The following CSMD1 variants were observed in gnomAD, a reference collection of about 807,000 sequenced individuals.
CSMD1 encodes CUB and sushi domain-containing protein 1.
CSMD1 carries 213 observed loss-of-function variants against 417.5 expected under a neutral mutation model. The observed-to-expected ratio is 0.51, with a 90% CI of 0.46 to 0.57. The LOEUF is 0.57. CSMD1 is among the 20% of genes least tolerant of loss of function. CSMD1 has a pLI of 0.00. For missense variants in CSMD1, 6,923 were observed against 4,529.7 expected, an observed-to-expected ratio of 1.53 and a Z score of -15.17; for synonymous variants, 2,862 against 1,736.8, an observed-to-expected ratio of 1.65 and a Z score of -16.11.
In CSMD1 at chr8:3,096,868, A is replaced by G; in HGVS notation, c.7119T>C (p.Asp2373=). The G allele has an allele frequency of 6.4e-7, 1 of 1,555,164 alleles. No homozygotes were observed. The highest frequency in any genetic ancestry group is 8.7e-7 in the Non-Finnish European group (1 of 1,148,238). ...ACTTACCATCAAACACTTCCAGTGC[A>G]TCAAACTGCTTTTCACTTTGAAATG... ...VDTFQSEKQF[D]ALEVFDGSSG... The change falls in exon 47 of 70, where the codon GAT becomes GAC. Residue 2373 remains aspartate (D), a synonymous_variant. Transcript: ENST00000635120.
chr8:3,008,365 G>A (rs961234969), intron 52 of CSMD1, among the ~76,000 whole-genome samples: 1 of 152,178 alleles, frequency 6.6e-6, no homozygotes, highest in Non-Finnish European at 1.5e-5. Context: ...CCCGCACAGT[G>A]TGGCCCACCC....
chr8:4,426,735 T>A (rs1357528182), intron 2 of CSMD1, among the ~76,000 whole-genome samples: 1 of 147,724 alleles, frequency 6.8e-6, no homozygotes, highest in African/African-American at 2.5e-5. Flanking sequence ...TATACATTTA[T>A]TATACAATAT....
At chr8:4,735,910 T>C (rs1298986286) in intron 1 of CSMD1, among the ~76,000 whole-genome samples, 2 of 152,180 alleles carry the variant, frequency 1.3e-5, no homozygotes, top group African/African-American at 4.8e-5. Context: ...GATTTACTGA[T>C]GAGCAGGTAA....
At chr8:4,002,117 A>T (rs913720726) in intron 4 of CSMD1, among the ~76,000 whole-genome samples, 1 of 152,194 alleles carries the variant, frequency 6.6e-6, no homozygotes, top group Admixed American at 6.5e-5. Flanking sequence ...ACAAACAAAA[A>T]AACTTCATGG....
Position 3,998,000 on chromosome 8 carries a change from C to G in CSMD1, c.721G>C (p.Glu241Gln). Residue 241 changes from glutamate to glutamine, a missense_variant, in exon 5 of 70, where the codon GAG becomes CAG. Transcript: ENST00000635120. ...NADCTWTILA[E>Q]PGDTIALVFT... The stretch of plus-strand genomic sequence containing the variant: ...ACCAGCGCAATGGTGTCCCCGGGCT[C>G]AGCCAGAATGGTCCAGGTGCAGTCC... The G allele has an allele frequency of 1.9e-6, 3 of 1,609,932 alleles. No homozygotes were observed. The highest frequency in any genetic ancestry group is 1.1e-5 in the South Asian group (1 of 90,010).
chr8:3,817,567 C>T (rs1380665315), intron 5 of CSMD1, among the ~76,000 whole-genome samples: 1 of 152,100 alleles, frequency 6.6e-6, no homozygotes, highest in Non-Finnish European at 1.5e-5. Context: ...GCATGAGCCA[C>T]TGCGCCTGGC....
chr8:3,466,296 G>A lies in CSMD1; in HGVS notation c.1561+2416C>T, dbSNP rs117220510. The stretch of plus-strand genomic sequence containing the variant: ...TGGGCAGCAGAACCAGTATTCAGGG[G>A]AGTACAGCTCCAGAGCCTGTGTTCC... On this transcript the variant is annotated intron_variant, in intron 12 of 69. Transcript: ENST00000635120. Among the ~76,000 whole-genome samples, 35 of 152,162 alleles carry A rather than the reference G, an allele frequency of 2.3e-4. No homozygotes were observed. In the East Asian group the frequency reaches 6.8e-3, roughly 29 times the overall value.
chr8:4,202,052 G>A (rs1446311356), intron 3 of CSMD1, among the ~76,000 whole-genome samples: 1 of 152,078 alleles, frequency 6.6e-6, no homozygotes, highest in African/African-American at 2.4e-5. Context: ...TCCTGCTGTG[G>A]GTTGGCTCTT....
intron 1 of CSMD1, among the ~76,000 whole-genome samples, chr8:4,795,794 T>G (rs184090528): frequency 6.6e-6 from 1 of 152,214 alleles, no homozygotes; most frequent in Non-Finnish European, 1.5e-5. Context: ...TGAGTGCAAT[T>G]CATAAATCAC....
At chr8:4,247,734 G>A (rs903422994) in intron 3 of CSMD1, among the ~76,000 whole-genome samples, 2 of 152,122 alleles carry the variant, frequency 1.3e-5, no homozygotes, top group Non-Finnish European at 2.9e-5. Context: ...TTTTGAAAAT[G>A]TATCATCAAC....
At chr8:4,533,539 A>T (rs1187491415) in intron 2 of CSMD1, among the ~76,000 whole-genome samples, 1 of 152,178 alleles carries the variant, frequency 6.6e-6, no homozygotes, top group Non-Finnish European at 1.5e-5. Flanking sequence ...TGGGAACACA[A>T]TATTCTTGGG....
At chr8:4,969,559 C>G (rs1004702681) in intron 1 of CSMD1, among the ~76,000 whole-genome samples, 1 of 151,748 alleles carries the variant, frequency 6.6e-6, no homozygotes, top group East Asian at 1.9e-4. Context: ...TTACTCTTAT[C>G]TCACAACAGC....
At chr8:3,597,022 A>G (rs1426441315) in intron 8 of CSMD1, among the ~76,000 whole-genome samples, 1 of 152,116 alleles carries the variant, frequency 6.6e-6, no homozygotes, top group Non-Finnish European at 1.5e-5. Context: ...CCAGGTGCTG[A>G]TGCCACCCAG....
intron 3 of CSMD1, among the ~76,000 whole-genome samples, chr8:4,100,232 C>G (rs180869707): frequency 1.7e-4 from 26 of 152,186 alleles, no homozygotes; most frequent in African/African-American, 6.0e-4. Flanking sequence ...CTCTAGCATA[C>G]AGATGGAAAA....
intron 12 of CSMD1, among the ~76,000 whole-genome samples, chr8:3,450,686 T>G (rs779670945): frequency 1.3e-5 from 2 of 152,124 alleles, no homozygotes; most frequent in Non-Finnish European, 2.9e-5. Context: ...GGTGTATATG[T>G]GCCGCATTTT....
At chr8:4,418,011 A>G (rs575036380) in intron 3 of CSMD1, among the ~76,000 whole-genome samples, 2 of 152,134 alleles carry the variant, frequency 1.3e-5, no homozygotes, top group African/African-American at 2.4e-5. Context: ...ATTTTTCTCC[A>G]AATAACGCAC....
At chr8:3,126,863 G>A (rs1027842875) in intron 41 of CSMD1, among the ~76,000 whole-genome samples, 2 of 152,246 alleles carry the variant, frequency 1.3e-5, no homozygotes, top group Middle Eastern at 3.4e-3. Flanking sequence ...CACATGAAAC[G>A]TGCTCCCTGC....
chr8:3,799,235 T>A (rs899343252), intron 5 of CSMD1, among the ~76,000 whole-genome samples: 3 of 151,648 alleles, frequency 2.0e-5, no homozygotes, highest in African/African-American at 7.3e-5. Context: ...TCTACAGTTT[T>A]TTTTCTTTGA....
chr8:4,238,927 A>G (rs924761459), intron 3 of CSMD1, among the ~76,000 whole-genome samples: 9 of 152,332 alleles, frequency 5.9e-5, no homozygotes, highest in Admixed American at 2.0e-4. Flanking sequence ...ATAGTTCTAC[A>G]TATGATTTTC....
Sources: allele counts gnomAD v4.1 joint callset (sites outside exome capture counted in the v4.1 genomes callset), GRCh38; gene constraint gnomAD v4.1.1; transcripts MANE v1.5; gene names NCBI Gene and HGNC (gene_info 2026-07-23, HGNC 2026-07-21).